KCNK1: variants seen among roughly 807,000 people sequenced by gnomAD.
KCNK1 encodes potassium two pore domain channel subfamily K member 1.
KCNK1 carries 10 observed loss-of-function variants against 22.2 expected under a neutral mutation model. The observed-to-expected ratio is 0.45, with a 90% CI of 0.28 to 0.76. The LOEUF is 0.76. Ranked by LOEUF, KCNK1 falls within the 30% of genes least tolerant of loss-of-function variation. The pLI, the probability that KCNK1 is intolerant of heterozygous loss-of-function variation, is 0.14. For missense variants in KCNK1, 378 were observed against 421.0 expected (o/e 0.90, Z 0.89); for synonymous variants, 200 against 186.4 (o/e 1.07, Z -0.60).
intron 2 of KCNK1, among the ~76,000 whole-genome samples, chr1:233,668,371 C>T (rs1005638766): frequency 6.6e-6 from 1 of 152,188 alleles, no homozygotes; most frequent in Non-Finnish European, 1.5e-5. Context: ...CCAAAACAGA[C>T]GTTACTCATA....
intron 1 of KCNK1, among the ~76,000 whole-genome samples, chr1:233,659,846 C>A (rs1442476173): frequency 1.1e-4 from 16 of 152,130 alleles, no homozygotes; most frequent in Admixed American, 1.0e-3. Context: ...ACACAATAAA[C>A]ACAAACAAAC....
chr1:233,649,427 T>G (rs1008751988), intron 1 of KCNK1, among the ~76,000 whole-genome samples: 2 of 152,240 alleles, frequency 1.3e-5, no homozygotes, highest in Non-Finnish European at 2.9e-5. Flanking sequence ...TGAAGAAATA[T>G]GTCTTAATGT....
At chr1:233,624,103 G>A (rs1307219286) in intron 1 of KCNK1, 2 of 154,102 alleles carry the variant, frequency 1.3e-5, no homozygotes, top group African/African-American at 2.4e-5. Context: ...CCTGAGTTAA[G>A]CTATTTACTC....
chr1:233,633,467 T>C (rs1657840518), intron 1 of KCNK1, among the ~76,000 whole-genome samples: 1 of 152,176 alleles, frequency 6.6e-6, no homozygotes, highest in South Asian at 2.1e-4. Context: ...AGGGATATTC[T>C]TGAATCTGAG....
intron 1 of KCNK1, among the ~76,000 whole-genome samples, chr1:233,654,382 A>G (rs1325277206): frequency 2.0e-5 from 3 of 152,232 alleles, no homozygotes; most frequent in African/African-American, 7.2e-5. Context: ...AAAAAGCGTC[A>G]GAGAACTTGG....
At chr1:233,650,007 G>A (rs1303280084) in intron 1 of KCNK1, 4 of 533,498 alleles carry the variant, frequency 7.5e-6, no homozygotes, top group Non-Finnish European at 1.2e-5. Context: ...AGCCTTTCAA[G>A]TGCCTAAAGG....
chr1:233,636,238 G>C (rs1657893725), intron 1 of KCNK1, among the ~76,000 whole-genome samples: 1 of 152,196 alleles, frequency 6.6e-6, no homozygotes, highest in African/African-American at 2.4e-5. Flanking sequence ...GAGTGAAGTT[G>C]AGGAGTAACA....
At chr1:233,631,553 C>T in intron 1 of KCNK1, 1 of 324,818 alleles carries the variant, frequency 3.1e-6, no homozygotes, top group Middle Eastern at 1.1e-3. Context: ...TTGAAAACAG[C>T]CTTCTAAGAG....
chr1:233,621,035 C>T (rs537992849), intron 1 of KCNK1, among the ~76,000 whole-genome samples: 26 of 152,156 alleles, frequency 1.7e-4, no homozygotes, highest in Non-Finnish European at 3.1e-4. Flanking sequence ...CCGGAAGTGA[C>T]ATGGTCTTAA....
intron 1 of KCNK1, among the ~76,000 whole-genome samples, chr1:233,620,370 G>C (rs1400811735): frequency 2.0e-5 from 3 of 152,222 alleles, no homozygotes; most frequent in Non-Finnish European, 4.4e-5. Flanking sequence ...GTGTAAGAAA[G>C]TTCAGCTTCT....
chr1:233,634,242 G>T (rs1657857293), intron 1 of KCNK1, among the ~76,000 whole-genome samples: 1 of 151,322 alleles, frequency 6.6e-6, no homozygotes, highest in Non-Finnish European at 1.5e-5. Flanking sequence ...GGAGGCGGAG[G>T]TTGAAGTGAA....
At chr1:233,620,270 A>G (rs939869908) in intron 1 of KCNK1, among the ~76,000 whole-genome samples, 3 of 152,170 alleles carry the variant, frequency 2.0e-5, no homozygotes, top group Non-Finnish European at 4.4e-5. Context: ...ACTGTCTCAC[A>G]AAAAAAGTTT....
chr1:233,647,525 T>C (rs1207411120), intron 1 of KCNK1, among the ~76,000 whole-genome samples: 1 of 152,106 alleles, frequency 6.6e-6, no homozygotes, highest in Admixed American at 6.5e-5. Context: ...CTTTACCAAC[T>C]CCTGTCCTTG....
chr1:233,644,135 C>T (rs1012154082), intron 1 of KCNK1, among the ~76,000 whole-genome samples: 3 of 152,180 alleles, frequency 2.0e-5, no homozygotes, highest in African/African-American at 7.2e-5. Context: ...AGGCCTTCTT[C>T]CTGCATTCTC....
chr1:233,671,679 A>G lies in KCNK1; in HGVS notation c.*149A>G. The G allele has an allele frequency of 1.2e-6, 1 of 867,410 alleles. No homozygotes were observed. The highest frequency in any genetic ancestry group is 1.7e-6 in the Non-Finnish European group (1 of 577,292). The allele number at this position is 867,410 out of a possible 1,614,324, so 53.7% of individuals were successfully genotyped here. On this transcript the variant is annotated 3_prime_UTR_variant, in exon 3 of 3. Transcript: ENST00000366621. ...TTGCAATGTCTTATTAAAAAACAAC[A>G]AAAAAAGACAAATGGAACAAAGAAG...
chr1:233,659,694 C>T (rs1331271879), intron 1 of KCNK1, among the ~76,000 whole-genome samples: 3 of 151,908 alleles, frequency 2.0e-5, no homozygotes, highest in Admixed American at 6.6e-5. Flanking sequence ...ACCATGGCTA[C>T]GACATTGCTA....
chr1:233,643,489 G>GTCAGTTC (rs1658038303), intron 1 of KCNK1, among the ~76,000 whole-genome samples: 1 of 152,096 alleles, frequency 6.6e-6, no homozygotes, highest in African/African-American at 2.4e-5. Context: ...TTTCCCTATG[G>GTCAGTTC]TCAGTTCTCT....
intron 1 of KCNK1, among the ~76,000 whole-genome samples, chr1:233,626,943 TTAAA>T (rs1406893760): frequency 6.6e-6 from 1 of 152,142 alleles, no homozygotes; most frequent in Non-Finnish European, 1.5e-5. Flanking sequence ...GTAGCTAATA[TTAAA>T]TAAAGCCACC....
At chr1:233,667,392 G>A (rs959126533) in intron 2 of KCNK1, among the ~76,000 whole-genome samples, 1 of 152,030 alleles carries the variant, frequency 6.6e-6, no homozygotes, top group Non-Finnish European at 1.5e-5. Flanking sequence ...AATTACAGAC[G>A]AATTTCTTAC....
Sources: gnomAD v4.1 joint callset for allele counts (sites outside exome capture counted in the v4.1 genomes callset) on GRCh38, gnomAD v4.1.1 for gene constraint, MANE v1.5 for transcripts, NCBI Gene and HGNC (gene_info 2026-07-23, HGNC 2026-07-21) for gene names.